KCNAB1: variants seen among roughly 807,000 people sequenced by gnomAD.
KCNAB1 encodes the protein potassium voltage-gated channel subfamily A regulatory beta subunit 1, also known as voltage-gated potassium channel subunit beta-1.
KCNAB1 carries 35 observed loss-of-function variants against 64.6 expected under a neutral mutation model. The observed-to-expected ratio is 0.54, with a 90% CI of 0.41 to 0.72. KCNAB1 has a LOEUF of 0.72. Ranked by LOEUF, KCNAB1 falls within the 30% of genes least tolerant of loss-of-function variation. The pLI is 0.00. For missense variants in KCNAB1, 401 were observed against 512.9 expected, an observed-to-expected ratio of 0.78 and a Z score of 2.11; for synonymous variants, 177 against 183.8, an observed-to-expected ratio of 0.96 and a Z score of 0.30.
chr3:156,516,232 A>T, intron 10 of KCNAB1, 38 bp from the exon 11 acceptor site: 5 of 1,522,086 alleles, frequency 3.3e-6, no homozygotes, highest in Non-Finnish European at 4.6e-6. Flanking sequence ...TTTGATCCCA[A>T]TTTGCACAAG....
chr3:156,454,502 AT>A (rs1465541933), intron 3 of KCNAB1, among the ~76,000 whole-genome samples: 1 of 152,202 alleles, frequency 6.6e-6, no homozygotes, highest in Non-Finnish European at 1.5e-5. Flanking sequence ...GAGGAAGGCC[AT>A]TTGATGGCAG....
At chr3:156,308,127 A>T (rs2108000427) in intron 1 of KCNAB1, among the ~76,000 whole-genome samples, 1 of 152,362 alleles carries the variant, frequency 6.6e-6, no homozygotes, top group East Asian at 1.9e-4. Flanking sequence ...AGGGGACATT[A>T]TTTGATAACT....
At chr3:156,522,010 T>A (rs566999607) in intron 11 of KCNAB1, among the ~76,000 whole-genome samples, 17 of 119,350 alleles carry the variant, frequency 1.4e-4, no homozygotes, top group Admixed American at 9.0e-4. Flanking sequence ...TATGTGTGTG[T>A]CACACACATA....
chr3:156,371,442 T>C (rs1726303203), intron 1 of KCNAB1, among the ~76,000 whole-genome samples: 1 of 152,188 alleles, frequency 6.6e-6, no homozygotes, highest in African/African-American at 2.4e-5. Context: ...TTTTTTCTGC[T>C]GAAATACCCT....
intron 2 of KCNAB1, among the ~76,000 whole-genome samples, chr3:156,443,983 T>C (rs1717215021): frequency 6.6e-6 from 1 of 152,048 alleles, no homozygotes; most frequent in Admixed American, 6.6e-5. Flanking sequence ...AAAGAAAAGG[T>C]AATGAAAGTA....
intron 1 of KCNAB1, among the ~76,000 whole-genome samples, chr3:156,325,994 A>G (rs1722949008): frequency 6.6e-6 from 1 of 152,090 alleles, no homozygotes; most frequent in South Asian, 2.1e-4. Context: ...ACTCCAAAGA[A>G]AATAATCATA....
chr3:156,143,243 G>A, intron 1 of KCNAB1: 1 of 1,613,926 alleles, frequency 6.2e-7, no homozygotes, highest in African/African-American at 1.3e-5. Flanking sequence ...CCAAAATCCA[G>A]TGAATCGGCT....
chr3:156,132,408 A>G (rs556724399), intron 1 of KCNAB1, among the ~76,000 whole-genome samples: 11 of 152,350 alleles, frequency 7.2e-5, no homozygotes, highest in African/African-American at 2.6e-4. Context: ...TATGAGCATC[A>G]GCTCTCATTT....
chr3:156,316,543 T>C (rs1178012807), intron 1 of KCNAB1, among the ~76,000 whole-genome samples: 2 of 152,342 alleles, frequency 1.3e-5, no homozygotes, highest in African/African-American at 4.8e-5. Context: ...GATGACACAT[T>C]CAAAGTAATT....
chr3:156,189,089 C>A lies in KCNAB1; in HGVS notation c.275+68203C>A, dbSNP rs532422823. 1.2e-3 allele frequency among the ~76,000 whole-genome samples: 185 copies of A among 152,322 alleles called. 1 individual carries two copies. Among genetic ancestry groups the A allele is most frequent in the African/African-American group, 4.4e-3 (184 of 41,564 alleles). ...TCCTGCTCTCTAAAAGTGCTGGTGA[C>A]ACTTTGTCCATGTTGAATGGTCTTC... On this transcript the variant is annotated intron_variant, in intron 1 of 13. Transcript: ENST00000490337.
At chr3:156,261,970 A>C (rs550305131) in intron 1 of KCNAB1, among the ~76,000 whole-genome samples, 113 of 151,974 alleles carry the variant, frequency 7.4e-4, no homozygotes, top group African/African-American at 2.5e-3. Context: ...TATTTGATTC[A>C]TTTTGATGTT....
In KCNAB1 at chr3:156,190,177, T is replaced by A. The variant is rs549330200; in HGVS notation, c.275+69291T>A. ...TTTGTGGTTTTCCCAGACATCTTCCTAAAGCATTTGAAAGTAACTTTCCTT... is the reference window on the plus strand; with the variant it reads ...TTTGTGGTTTTCCCAGACATCTTCCAAAAGCATTTGAAAGTAACTTTCCTT... On this transcript the variant is annotated intron_variant, in intron 1 of 13. Coordinates refer to ENST00000490337, the MANE Select transcript of KCNAB1 (RefSeq NM_172160.3). Among the ~76,000 whole-genome samples the A allele has an allele frequency of 2.3e-4, 35 of 152,312 alleles. No homozygotes were observed. The East Asian group carries it at 6.8e-3, about 29-fold the overall frequency.
At position 156,515,013 on chromosome 3, in the gene KCNAB1, A is replaced by C. The variant is rs1717461231; in HGVS notation, c.745-87A>C. ...TTTCTTGGTTTGTACTGATTTCACC[A>C]AAGTAAACATTTCTCATGCATACAA... On this transcript the variant is annotated intron_variant, in intron 9 of 13. Transcript: ENST00000490337. 56 of 1,354,256 alleles carry C rather than the reference A, an allele frequency of 4.1e-5. 1 individual carries two copies. The highest frequency in any genetic ancestry group is 5.6e-5 in the Non-Finnish European group (56 of 1,008,662). 83.9% of individuals were successfully genotyped at this position (1,354,256 alleles called of 1,614,324 possible).
At chr3:156,216,857 C>T (rs1715355886) in intron 1 of KCNAB1, 1 of 152,186 alleles carries the variant, frequency 6.6e-6, no homozygotes, top group Admixed American at 6.5e-5. Flanking sequence ...AGTTTAAGCC[C>T]ACATCTGTTT....
At chr3:156,239,632 A>C (rs1239719472) in intron 1 of KCNAB1, among the ~76,000 whole-genome samples, 1 of 152,116 alleles carries the variant, frequency 6.6e-6, no homozygotes, top group Non-Finnish European at 1.5e-5. Context: ...CAGTCCTTGG[A>C]GAGCCGACAC....
intron 1 of KCNAB1, among the ~76,000 whole-genome samples, chr3:156,263,098 G>A (rs1357008138): frequency 6.6e-6 from 1 of 151,694 alleles, no homozygotes; most frequent in African/African-American, 2.4e-5. Context: ...TGATTTTATG[G>A]ATTTTATCTT....
intron 1 of KCNAB1, among the ~76,000 whole-genome samples, chr3:156,274,945 T>A (rs9827149): frequency 0.012 from 1,822 of 152,354 alleles, 57 homozygotes; most frequent in African/African-American, 0.042. Flanking sequence ...TCAGTCACCA[T>A]GCTGTCTGTG....
rs527912740 is a variant in KCNAB1 at position 156,362,670 on chromosome 3, C to T, written c.276-58946C>T. Among the ~76,000 whole-genome samples the T allele has an allele frequency of 4.6e-5, 7 of 152,098 alleles. No individual in the cohort carries two copies. The South Asian group carries it at 1.5e-3, about 32-fold the overall frequency. ...CAGAACTGATAATCAATGATAAGTA[C>T]TATTATTGTTTTTATTGCTATTATA... is the stretch of plus-strand genomic sequence containing the variant. On this transcript the variant is annotated intron_variant, in intron 1 of 13. Transcript: ENST00000490337.
At chr3:156,463,523 G>A (rs898313122) in intron 5 of KCNAB1, among the ~76,000 whole-genome samples, 179 bp from the exon 6 acceptor site, 5 of 152,090 alleles carry the variant, frequency 3.3e-5, no homozygotes, top group African/African-American at 9.7e-5. Flanking sequence ...TGAGTCCCCC[G>A]CACTAGCTTC....
Sources: allele counts gnomAD v4.1 joint callset (sites outside exome capture counted in the v4.1 genomes callset), GRCh38; gene constraint gnomAD v4.1.1; transcripts MANE v1.5; gene names NCBI Gene and HGNC (gene_info 2026-07-23, HGNC 2026-07-21).